Variants in TRPV3 observed in about 807,000 individuals in gnomAD.
TRPV3 encodes VRL-3.
A neutral mutation model predicts 87.1 loss-of-function variants in TRPV3; 88 were observed. That is an observed-to-expected ratio of 1.01 (90% CI 0.85 to 1.21). The LOEUF (loss-of-function observed/expected upper bound fraction) is 1.21. Ranked by LOEUF, TRPV3 falls within the 50% of genes most tolerant of loss-of-function variation. The pLI is 0.00. For synonymous variants in TRPV3, 438 were observed against 423.3 expected, an observed-to-expected ratio of 1.03 and a Z score of -0.43; for missense variants, 1,054 against 1,030.1, an observed-to-expected ratio of 1.02 and a Z score of -0.32.
chr17:3,554,951 A>G, intron 1 of TRPV3, 99 bp from the exon 2 acceptor site: 1 of 660,796 alleles, frequency 1.5e-6, no homozygotes, highest in East Asian at 2.7e-5. Context: ...TCCCGTTCAC[A>G]CTACCTGGAA....
intron 17 of TRPV3, 50 bp from the exon 18 acceptor site, chr17:3,514,061 G>T: frequency 6.9e-7 from 1 of 1,441,400 alleles, no homozygotes; most frequent in Non-Finnish European, 9.4e-7. Context: ...TCTGCATAGT[G>T]TGTTTCTTTT....
rs2074319416 is a variant in TRPV3, at chr17:3,528,421, TGGC to T, written c.1402-298_1402-296del. On this transcript the variant is annotated intron_variant, in intron 10 of 17. Transcript: ENST00000576742. This position sits in a 1 kb window ranked among gnomAD's most constrained non-coding sequence, Gnocchi z 4.2. ...CCCATCCATATCCAGGCACTCAACA[TGGC>T]CTCACAGCACCGTTAAATAAAGCCG... Among the ~76,000 whole-genome samples the T allele has an allele frequency of 1.3e-5, 2 of 152,162 alleles. No individual in the cohort carries two copies. Among genetic ancestry groups the T allele is most frequent in the Non-Finnish European group, 2.9e-5 (2 of 68,020 alleles).
In TRPV3 at chr17:3,530,114, C is replaced by T; in HGVS notation, c.1155G>A (p.Val385=). ...TGGTGAGGTCGTAGAGGGAGGATGA[C>T]ACGGGTCCGTACGCCCAGTCGGTGA... ...RKFTDWAYGP[V]SSSLYDLTNV... The change falls in exon 9 of 18, where the codon GTG becomes GTA. Residue 385 remains valine, a synonymous_variant. Coordinates refer to ENST00000576742, the MANE Select transcript of TRPV3 (RefSeq NM_145068.4). The surrounding 1 kb of genome is among the most constrained non-coding windows in gnomAD (Gnocchi z 4.0). 1 of 1,614,186 alleles carries T rather than the reference C, an allele frequency of 6.2e-7. No homozygotes were observed. Among genetic ancestry groups the T allele is most frequent in the Non-Finnish European group, 8.5e-7 (1 of 1,180,014 alleles).
chr17:3,536,829 C>A (rs1036095107), intron 6 of TRPV3, among the ~76,000 whole-genome samples: 1 of 152,208 alleles, frequency 6.6e-6, no homozygotes, highest in Non-Finnish European at 1.5e-5. Context: ...ACTAAGCCTG[C>A]TGGAGACCAG....
chr17:3,545,406 C>A (rs2074514650), intron 2 of TRPV3, 135 bp from the exon 3 acceptor site: 4 of 595,904 alleles, frequency 6.7e-6, no homozygotes, highest in Admixed American at 3.2e-5. Context: ...AATGGCCTTG[C>A]CCAGCCCTCC....
chr17:3,550,726 G>C (rs970941570), intron 2 of TRPV3, among the ~76,000 whole-genome samples: 3 of 151,758 alleles, frequency 2.0e-5, no homozygotes, highest in African/African-American at 7.3e-5. Context: ...GGGTTTCACC[G>C]TGTTAGCCAG....
intron 9 of TRPV3, among the ~76,000 whole-genome samples, chr17:3,529,498 GC>G (rs2074329845): frequency 1.3e-5 from 2 of 152,008 alleles, no homozygotes; most frequent in African/African-American, 4.8e-5. Flanking sequence ...CTGCCTCACT[GC>G]CCCCAAGAGC....
chr17:3,544,875 G>A lies in TRPV3; in HGVS notation c.225-210C>T, dbSNP rs181341667. Among the ~76,000 whole-genome samples, 76 of 152,232 alleles carry A rather than the reference G, an allele frequency of 5.0e-4. No homozygotes were observed. The East Asian group carries it at 5.0e-3, about 10-fold the overall frequency. On this transcript the variant is annotated intron_variant, in intron 3 of 17. Transcript: ENST00000576742. ...CTAAAAATACAACAACTAGCCAGGC[G>A]TGGTGGCATGTGCCTGTAATCCCAG...
In TRPV3 at chr17:3,543,593, T is replaced by G. The variant is rs372555157; in HGVS notation, c.347A>C (p.Lys116Thr). The G allele has an allele frequency of 4.8e-5, 77 of 1,613,740 alleles. No individual in the cohort carries two copies. Among genetic ancestry groups the G allele is most frequent in the Non-Finnish European group, 6.1e-5 (72 of 1,179,866 alleles). Residue 116 changes from lysine (K) to threonine (T), a missense_variant, in exon 5 of 18, where the codon AAG becomes ACG. Physicochemically the swap from Lys to Thr is moderately conservative, Grantham distance 78. Transcript: ENST00000576742. ...AAAGATGCGCTTCTTCAGCCGCCTC[T>G]TTTTCCTCCTCTGCTCTTCCTTGGC... ...QLAKEEQRRK[K>T]RRLKKRIFAA... is the part of the protein sequence containing the mutation.
chr17:3,525,059 A>G (rs12940229), intron 12 of TRPV3, among the ~76,000 whole-genome samples: 3,262 of 152,280 alleles, frequency 0.021, 43 homozygotes, highest in Non-Finnish European at 0.027. Context: ...TTGCTCTGTC[A>G]CCTAGGCTGG....
rs909641451 is a variant in TRPV3, at chr17:3,526,909, G to C, written c.1522C>G (p.Leu508Val). The C allele has an allele frequency of 6.2e-7, 1 of 1,611,904 alleles. No homozygotes were observed. The highest frequency in any genetic ancestry group is 8.5e-7 in the Non-Finnish European group (1 of 1,179,186). ...ATGGACTGCAGATCCGAGGGTCTCA[G>C]CAGGAAGATGGCAATGCCCTAAGGC... ...SVKEGIAIFLLRPSDLQSILS... is the reference protein window; with the variant it reads ...SVKEGIAIFLVRPSDLQSILS... The change falls in exon 12 of 18, where the codon CTG becomes GTG. Residue 508 changes from leucine to valine, a missense_variant. By Grantham distance (32) the Leu-to-Val change is conservative (BLOSUM62 1). Transcript: ENST00000576742.
intron 14 of TRPV3, 111 bp downstream of exon 14, chr17:3,520,862 C>T: frequency 1.8e-6 from 1 of 569,006 alleles, no homozygotes; most frequent in Non-Finnish European, 3.2e-6. Context: ...GGCAAGTGCC[C>T]CACTGGTAGT....
At chr17:3,535,222 TG>T (rs1222011013) in intron 7 of TRPV3, among the ~76,000 whole-genome samples, 2 of 36,242 alleles carry the variant, frequency 5.5e-5, no homozygotes, top group East Asian at 1.7e-3. Context: ...TTCTGTCTCC[TG>T]CCTCCCTCCT....
chr17:3,519,422 T>C (rs112437541), intron 14 of TRPV3, among the ~76,000 whole-genome samples: 12 of 111,258 alleles, frequency 1.1e-4, no homozygotes, highest in African/African-American at 3.9e-4. Context: ...GGATGGATGA[T>C]TGGATGGATG....
In TRPV3 at chr17:3,530,491, C is replaced by G. The variant is rs567437071; in HGVS notation, c.1066-288G>C. Among the ~76,000 whole-genome samples the G allele has an allele frequency of 6.6e-6, 1 of 151,862 alleles. No individual in the cohort carries two copies. The highest frequency in any genetic ancestry group is 2.1e-4 in the South Asian group (1 of 4,832). On this transcript the variant is annotated intron_variant, in intron 8 of 17. Coordinates refer to ENST00000576742, the MANE Select transcript of TRPV3 (RefSeq NM_145068.4). The surrounding 1 kb of genome is among the most constrained non-coding windows in gnomAD (Gnocchi z 4.0). ...TGCACAATCAGCTTGAAATGCCTCACGCCAGCTGGGGACCCGGTTCGGTGA... is the reference window on the plus strand; with the variant it reads ...TGCACAATCAGCTTGAAATGCCTCAGGCCAGCTGGGGACCCGGTTCGGTGA...
chr17:3,514,443 A>T, intron 17 of TRPV3, 150 bp downstream of exon 17: 1 of 633,480 alleles, frequency 1.6e-6, no homozygotes, highest in Non-Finnish European at 2.8e-6. Flanking sequence ...TAGGGTTCTA[A>T]AAGTCAGAGC....
In TRPV3 at chr17:3,531,627, G is replaced by A. The variant is rs540157300; in HGVS notation, c.1065+1030C>T. Reference sequence around the variant, plus strand: ...GAAGCCTCCTCCCTGGGCTGGGGTGGCAGGGACAGCACCCGCCACAGTGGC... The same window carrying A: ...GAAGCCTCCTCCCTGGGCTGGGGTGACAGGGACAGCACCCGCCACAGTGGC... On this transcript the variant is annotated intron_variant, in intron 8 of 17. Coordinates refer to ENST00000576742, the MANE Select transcript of TRPV3 (RefSeq NM_145068.4). 6.3e-4 allele frequency among the ~76,000 whole-genome samples: 96 copies of A among 152,280 alleles called. 1 individual carries two copies. The highest frequency in any genetic ancestry group is 2.3e-3 in the African/African-American group (96 of 41,564).
chr17:3,549,912 A>G (rs1189442605), intron 2 of TRPV3, among the ~76,000 whole-genome samples: 2 of 149,818 alleles, frequency 1.3e-5, no homozygotes, highest in African/African-American at 4.9e-5. Flanking sequence ...TGGGTAGATG[A>G]GTGGATGGTT....
chr17:3,527,887 T>C (rs1376311868), intron 11 of TRPV3, 138 bp downstream of exon 11: 1 of 681,098 alleles, frequency 1.5e-6, no homozygotes, highest in Non-Finnish European at 2.6e-6. Context: ...TTTCCCATGT[T>C]ATAACTCAGA....
Sources: allele counts gnomAD v4.1 joint callset (sites outside exome capture counted in the v4.1 genomes callset), GRCh38; gene constraint gnomAD v4.1.1; non-coding constraint Gnocchi (gnomAD v3.1); transcripts MANE v1.5; gene names NCBI Gene and HGNC (gene_info 2026-07-23, HGNC 2026-07-21).